Variants in MTM1 observed in about 807,000 individuals in gnomAD.
The protein encoded by MTM1 is myotubularin.
In MTM1, 9 loss-of-function variants were observed where a neutral mutation model predicts 52.1. That is an observed-to-expected ratio of 0.17 (90% CI 0.10 to 0.30). The LOEUF is 0.30. Ranked by LOEUF, MTM1 falls within the 10% of genes least tolerant of loss-of-function variation. The pLI is 1.00. For synonymous variants in MTM1, 136 were observed against 163.8 expected, an observed-to-expected ratio of 0.83 and a Z score of 1.29; for missense variants, 277 against 470.7, an observed-to-expected ratio of 0.59 and a Z score of 3.81.
upstream of MTM1, among the ~76,000 whole-genome samples, chrX:150,566,422 G>C (rs1347400784): frequency 8.9e-6 from 1 of 111,787 alleles, no homozygotes; most frequent in Non-Finnish European, 1.9e-5. Context: ...ACAGGCCTGA[G>C]CCACCGCGCC....
chrX:150,603,383 G>C (rs1557412774), intron 4 of MTM1, among the ~76,000 whole-genome samples: 6 of 111,821 alleles, frequency 5.4e-5, no homozygotes, highest in Non-Finnish European at 1.1e-4. Context: ...TTCAGGAAGA[G>C]AACTCCAGCT....
chrX:150,596,449 G>T, intron 2 of MTM1, 49 bp from the exon 3 acceptor site: 1 of 978,852 alleles, frequency 1.0e-6, no homozygotes, highest in Non-Finnish European at 1.5e-6. Context: ...CTTAAAAACA[G>T]TGTGTAAATG....
chrX:150,607,828 C>T (rs1332166704), intron 4 of MTM1, among the ~76,000 whole-genome samples: 3 of 111,637 alleles, frequency 2.7e-5, no homozygotes, highest in African/African-American at 3.3e-5. Context: ...CAGTTTCTCC[C>T]TCACGAAGCT....
intron 5 of MTM1, 125 bp downstream of exon 5, chrX:150,614,824 G>C (rs782188669): frequency 8.6e-6 from 4 of 462,756 alleles, no homozygotes; most frequent in Admixed American, 7.2e-5. Context: ...CCCTGGAAAT[G>C]GTTCTTCCCT....
At chrX:150,583,849 AATATATAAAAT>A (rs1286523559) in intron 1 of MTM1, among the ~76,000 whole-genome samples, 2 of 48,870 alleles carry the variant, frequency 4.1e-5, no homozygotes, top group African/African-American at 7.5e-5. Flanking sequence ...ATATATATCA[AATATATAAAAT>A]ATATATTAAA....
chrX:150,589,932 A>C (rs1557412408), intron 1 of MTM1, among the ~76,000 whole-genome samples: 1 of 111,519 alleles, frequency 9.0e-6, no homozygotes, highest in East Asian at 2.8e-4. Context: ...AAAAATTTTA[A>C]AAATACTAGT....
chrX:150,587,408 G>A (rs1557412314), intron 1 of MTM1, among the ~76,000 whole-genome samples: 2 of 111,881 alleles, frequency 1.8e-5, no homozygotes. Context: ...AGTTGCAACA[G>A]AAATGTCTGG....
intron 14 of MTM1, among the ~76,000 whole-genome samples, chrX:150,668,663 T>C (rs2148521194): frequency 9.0e-6 from 1 of 111,317 alleles, no homozygotes; most frequent in African/African-American, 3.3e-5. Context: ...AAGATTTTGC[T>C]GAGCTACGAT....
intron 7 of MTM1, 115 bp downstream of exon 7, chrX:150,639,141 C>T (rs2039805983): frequency 4.8e-6 from 3 of 627,351 alleles, no homozygotes; most frequent in African/African-American, 4.3e-5. Context: ...AATATCTTTT[C>T]AATGGTGGTG....
chrX:150,652,010 G>C (rs1446884617), intron 10 of MTM1, among the ~76,000 whole-genome samples: 2 of 111,052 alleles, frequency 1.8e-5, no homozygotes, highest in Non-Finnish European at 3.8e-5. Context: ...TGAGAAAATA[G>C]AGGTAATGAA....
chrX:150,644,749 C>T (rs2039902727), intron 8 of MTM1, among the ~76,000 whole-genome samples: 1 of 110,945 alleles, frequency 9.0e-6, no homozygotes, highest in Non-Finnish European at 1.9e-5. Context: ...CACCGAGCAA[C>T]CCTATGAGAT....
chrX:150,628,160 T>C (rs16996684), intron 6 of MTM1, among the ~76,000 whole-genome samples: 13,909 of 111,218 alleles, frequency 0.13, 822 homozygotes, highest in African/African-American at 0.24. Flanking sequence ...AAACCAGTTC[T>C]GGAAGTGGCC....
intron 1 of MTM1, among the ~76,000 whole-genome samples, chrX:150,583,296 A>G (rs1157740670): frequency 1.8e-5 from 1 of 56,150 alleles, no homozygotes; most frequent in African/African-American, 7.3e-5. Flanking sequence ...TATATAAATT[A>G]TATATATTAT....
chrX:150,645,990 A>G, intron 9 of MTM1, 119 bp downstream of exon 9: 1 of 639,464 alleles, frequency 1.6e-6, no homozygotes, highest in Non-Finnish European at 2.5e-6. Context: ...TAAGAAAACC[A>G]GTTCTCTTAG....
At chrX:150,585,085 GAA>G (rs113967648) in intron 1 of MTM1, among the ~76,000 whole-genome samples, 1,159 of 102,759 alleles carry the variant, frequency 0.011, 14 homozygotes, top group African/African-American at 0.038. Flanking sequence ...GAGAGAGAGA[GAA>G]AGAGTGTGTG....
At chrX:150,590,988 C>T in intron 1 of MTM1, 1 of 729,842 alleles carries the variant, frequency 1.4e-6, no homozygotes, top group Non-Finnish European at 1.6e-6. Context: ...TTCATCTCAT[C>T]CATTCTGCTA....
At chrX:150,657,792 C>A (rs374497510) in intron 10 of MTM1, 29 bp from the exon 11 acceptor site, 12 of 1,177,803 alleles carry the variant, frequency 1.0e-5, no homozygotes, top group Non-Finnish European at 1.2e-5. Flanking sequence ...TTATAACTCC[C>A]TACTGACTCA....
chrX:150,616,683 C>CA (rs1320681627), intron 5 of MTM1, among the ~76,000 whole-genome samples: 4 of 110,549 alleles, frequency 3.6e-5, no homozygotes, highest in Admixed American at 9.6e-5. Context: ...GTCTTTCAAA[C>CA]AAAAAAAAGT....
intron 7 of MTM1, 35 bp from the exon 8 acceptor site, chrX:150,641,234 G>A: frequency 8.3e-7 from 1 of 1,209,667 alleles, no homozygotes; most frequent in Non-Finnish European, 1.1e-6. Context: ...ATGAGGTCAA[G>A]CAATACTGAC....
Sources: gnomAD v4.1 joint callset for allele counts (sites outside exome capture counted in the v4.1 genomes callset) on GRCh38, gnomAD v4.1.1 for gene constraint, MANE v1.5 for transcripts, NCBI Gene and HGNC (gene_info 2026-07-23, HGNC 2026-07-21) for gene names.